Variants in SLC35E2B observed in about 807,000 individuals in gnomAD.
SLC35E2B encodes the protein solute carrier family 35 member E2B, also known as solute carrier family 35, member E2B.
In SLC35E2B, 18 loss-of-function variants were observed where a neutral mutation model predicts 32.4. The observed-to-expected ratio is 0.56, with a 90% confidence interval of 0.38 to 0.82. SLC35E2B has a LOEUF of 0.82. Ranked by LOEUF, SLC35E2B falls within the 40% of genes least tolerant of loss-of-function variation. SLC35E2B has a pLI of 0.00. For synonymous variants in SLC35E2B, 132 were observed against 209.1 expected (o/e 0.63, Z 3.18); for missense variants, 263 against 469.5 (o/e 0.56, Z 4.06).
At chr1:1,679,402 CTG>C (rs1230197624) in intron 2 of SLC35E2B, among the ~76,000 whole-genome samples, 1 of 151,578 alleles carries the variant, frequency 6.6e-6, no homozygotes, top group Non-Finnish European at 1.5e-5. Flanking sequence ...TCTGCTGACA[CTG>C]TGCTCCAAGA....
Position 1,669,700 on chromosome 1 carries a change from C to A in SLC35E2B, c.798G>T (p.Ala266=). Residue 266 remains alanine, a synonymous_variant, in exon 8 of 10, where the codon GCG becomes GCT. Transcript: ENST00000617444. ...CCCGGGCCGGGACGAGCATGGCCAC[C>A]GCAGCGGCGCTGGTGTAGAACTGCA... ...PELQFYTSAA[A]VAMLVPARVF... is the part of the protein sequence containing the mutation. 1 of 1,537,262 alleles carries A rather than the reference C, an allele frequency of 6.5e-7. No individual in the cohort carries two copies. The highest frequency in any genetic ancestry group is 1.2e-5 in the South Asian group (1 of 83,748).
intron 2 of SLC35E2B, among the ~76,000 whole-genome samples, chr1:1,683,805 C>G (rs1047487343): frequency 1.3e-5 from 2 of 152,094 alleles, no homozygotes; most frequent in African/African-American, 4.8e-5. Context: ...TCCTGTCACT[C>G]AGGAAATTCC....
intron 2 of SLC35E2B, among the ~76,000 whole-genome samples, chr1:1,682,169 CT>C (rs1643905618): frequency 6.6e-6 from 1 of 151,934 alleles, no homozygotes; most frequent in South Asian, 2.1e-4. Flanking sequence ...TGGGTGCAAC[CT>C]TTCAGAGGTC....
chr1:1,669,959 G>A, intron 7 of SLC35E2B, 139 bp downstream of exon 7: 4 of 892,250 alleles, frequency 4.5e-6, no homozygotes, highest in Non-Finnish European at 7.1e-6. Context: ...TCCCTCCCGA[G>A]CTTAGACAGG....
At chr1:1,680,739 G>A (rs1350143982) in intron 2 of SLC35E2B, among the ~76,000 whole-genome samples, 1 of 150,900 alleles carries the variant, frequency 6.6e-6, no homozygotes, top group Non-Finnish European at 1.5e-5. Context: ...AGGAGGAGGC[G>A]ATATCTAATC....
chr1:1,671,384 G>A lies in SLC35E2B; in HGVS notation c.707+125C>T, dbSNP rs1334537810. 6.4e-6 allele frequency: 7 copies of A among 1,094,372 alleles called. No individual in the cohort carries two copies. The East Asian group carries it at 1.6e-4, about 25-fold the overall frequency. 67.8% of individuals were successfully genotyped at this position (1,094,372 alleles called of 1,614,324 possible). On this transcript the variant is annotated intron_variant, in intron 6 of 9. Coordinates refer to ENST00000617444, the MANE Select transcript of SLC35E2B (RefSeq NM_001290264.2). ...CTGTTGTTTTGCTCTTTAGGAAAGG[G>A]CAGCATTGGACGCACCTGCTTTGGC...
At chr1:1,690,291 AAAAG>A (rs1421626911) in intron 2 of SLC35E2B, among the ~76,000 whole-genome samples, 3 of 96,768 alleles carry the variant, frequency 3.1e-5, no homozygotes, top group African/African-American at 7.2e-5. Flanking sequence ...AAAAAAAAAA[AAAAG>A]AAACAAAAAA....
intron 6 of SLC35E2B, chr1:1,671,193 T>G (rs1361316862): frequency 5.4e-6 from 1 of 184,342 alleles, no homozygotes; most frequent in Non-Finnish European, 1.1e-5. Context: ...CTGTCCCTGC[T>G]CTGGCAGCCG....
At chr1:1,685,780 G>C (rs781731935) in intron 2 of SLC35E2B, among the ~76,000 whole-genome samples, 7 of 152,138 alleles carry the variant, frequency 4.6e-5, no homozygotes, top group Non-Finnish European at 1.0e-4. Context: ...AGACACACAA[G>C]TAGCTCCAGA....
At chr1:1,677,383 C>T (rs1294026792) in intron 2 of SLC35E2B, among the ~76,000 whole-genome samples, 2 of 151,328 alleles carry the variant, frequency 1.3e-5, no homozygotes, top group African/African-American at 4.9e-5. Flanking sequence ...GGCTGTGGGT[C>T]CTTCACGCCC....
chr1:1,675,565 C>T lies in SLC35E2B; in HGVS notation c.484G>A (p.Val162Ile), dbSNP rs559481478. ...GAAACCGCCACATTTTTCAGGCTGA[C>T]CAAACCCAAAACCACAGTTGCAAAC... is the stretch of plus-strand genomic sequence containing the variant. ...MRFATVVLGL[V>I]SLKNVAVSFA... Residue 162 changes from valine (V) to isoleucine (I), a missense_variant, in exon 5 of 10, where the codon GTC becomes ATC. Physicochemically the swap from Val to Ile is conservative, Grantham distance 29. Around this residue, in one of 7 missense-constraint regions of SLC35E2B, gnomAD observed 129 missense variants for 164.5 expected, o/e 0.78. Transcript: ENST00000617444. The T allele has an allele frequency of 7.6e-6, 12 of 1,581,408 alleles. No homozygotes were observed. The East Asian group carries it at 2.7e-4, about 36-fold the overall frequency.
rs561209090 is a variant in SLC35E2B at position 1,685,403 on chromosome 1, A to T, written c.-148+5573T>A. On this transcript the variant is annotated intron_variant, in intron 2 of 9. Coordinates refer to ENST00000617444, the MANE Select transcript of SLC35E2B (RefSeq NM_001290264.2). ...ACTCCAGCCTGGGCGACACAGTGAA[A>T]CGTTTTCTCAGAAAAAAAAAAAAAA... Among the ~76,000 whole-genome samples, 8 of 137,820 alleles carry T rather than the reference A, an allele frequency of 5.8e-5. No homozygotes were observed. In the South Asian group the frequency reaches 2.0e-3, roughly 34 times the overall value. The allele number at this position is 137,820 out of a possible 152,430, so 90.4% of individuals were successfully genotyped here.
intron 9 of SLC35E2B, among the ~76,000 whole-genome samples, chr1:1,666,222 G>A (rs557490366): frequency 6.6e-6 from 1 of 152,294 alleles, no homozygotes; most frequent in African/African-American, 2.4e-5. Flanking sequence ...ACGGGACCTC[G>A]GTGGTGGTGA....
Position 1,671,128 on chromosome 1 carries a change from C to T in SLC35E2B, c.707+381G>A, listed in dbSNP as rs543333146. ...GATGGCCACAAGGAAGCAGAGGATCCGCCCGACCTGGAGGCCGCGCAGCTC... is the reference window on the plus strand; with the variant it reads ...GATGGCCACAAGGAAGCAGAGGATCTGCCCGACCTGGAGGCCGCGCAGCTC... On this transcript the variant is annotated intron_variant, in intron 6 of 9. Transcript: ENST00000617444. 1.7e-4 allele frequency: 27 copies of T among 156,542 alleles called. 1 individual carries two copies. The highest frequency in any genetic ancestry group is 1.3e-3 in the Admixed American group (20 of 15,398). The allele number at this position is 156,542 out of a possible 1,614,324, so 9.7% of individuals were successfully genotyped here.
rs994690465 is a variant in SLC35E2B, at chr1:1,665,873, T to C, written c.1127A>G (p.Glu376Gly). 15 of 1,550,850 alleles carry C rather than the reference T, an allele frequency of 9.7e-6. No homozygotes were observed. The highest frequency in any genetic ancestry group is 1.3e-5 in the Non-Finnish European group (15 of 1,146,978). ...LYNKARQHQQ[E>G]ALQSLAAATG... ...GGCTGCAGCCAGGCTCTGCAGCGCC[T>C]CCTGCTGGTGTTGCCTGGCTTTGTT... Residue 376 changes from glutamate to glycine, a missense_variant, in exon 10 of 10, where the codon GAG (glutamate) becomes GGG (glycine). Glu to Gly is a moderately conservative substitution (Grantham distance 98, BLOSUM62 -2). Around this residue, in one of 7 missense-constraint regions of SLC35E2B, gnomAD observed 78 missense variants for 71.1 expected, o/e 1.10. Coordinates refer to ENST00000617444, the MANE Select transcript of SLC35E2B (RefSeq NM_001290264.2).
At chr1:1,680,269 C>G (rs949909172) in intron 2 of SLC35E2B, among the ~76,000 whole-genome samples, 1 of 151,880 alleles carries the variant, frequency 6.6e-6, no homozygotes, top group Non-Finnish European at 1.5e-5. Flanking sequence ...CCACTGAACT[C>G]CAGCCTGGGC....
intron 5 of SLC35E2B, among the ~76,000 whole-genome samples, chr1:1,674,645 A>AC (rs1242338316): frequency 2.0e-5 from 3 of 151,114 alleles, no homozygotes; most frequent in South Asian, 2.1e-4. Context: ...AAAAAAAAAA[A>AC]ACAAAAAAAA....
chr1:1,683,465 G>A lies in SLC35E2B; in HGVS notation c.-147-6619C>T, dbSNP rs914865162. On this transcript the variant is annotated intron_variant, in intron 2 of 9. Transcript: ENST00000617444. ...GTTAAAAGAAAACAGAGGAGCAGCC[G>A]GCCGCAGAGACGCGCAGGCAAGGCC... is the stretch of plus-strand genomic sequence containing the variant. Among the ~76,000 whole-genome samples, 9 of 152,178 alleles carry A rather than the reference G, an allele frequency of 5.9e-5. No homozygotes were observed. In the East Asian group the frequency reaches 1.2e-3, roughly 20 times the overall value.
rs1256942908 is a variant in SLC35E2B, at chr1:1,662,791, G to A, written c.*2991C>T. On this transcript the variant is annotated 3_prime_UTR_variant, in exon 10 of 10. Transcript: ENST00000617444. ...ACCCAATTCGGGAGGTGGTTCAAGT[G>A]TTCTGTTCGTTTACAAAAGCACAGA... 1.3e-5 allele frequency: 10 copies of A among 762,438 alleles called. No homozygotes were observed. Among genetic ancestry groups the A allele is most frequent in the Admixed American group, 6.6e-5 (1 of 15,202 alleles). 47.2% of individuals were successfully genotyped at this position (762,438 alleles called of 1,614,324 possible). A position where few individuals can be genotyped will look rare whatever the true frequency, so the allele number is the denominator to read the frequency against.
Sources: gnomAD v4.1 joint callset for allele counts (sites outside exome capture counted in the v4.1 genomes callset) on GRCh38, gnomAD v4.1.1 for gene constraint, gnomAD v4.1.1 regional missense constraint, MANE v1.5 for transcripts, NCBI Gene and HGNC (gene_info 2026-07-23, HGNC 2026-07-21) for gene names.